The following MED27 variants were observed in gnomAD, a reference collection of about 807,000 sequenced individuals.
MED27 encodes mediator of RNA polymerase II transcription subunit 27.
Under a neutral mutation model 38.2 loss-of-function variants are expected in MED27, and 30 were observed. That is an observed-to-expected ratio of 0.79 (90% CI 0.59 to 1.07). The LOEUF (loss-of-function observed/expected upper bound fraction) is 1.07, where lower values mean the gene tolerates loss of function less well. MED27 is among the 50% of genes least tolerant of loss of function. The pLI, the probability that MED27 is intolerant of heterozygous loss-of-function variation, is 0.00. For missense variants in MED27, 289 were observed against 397.5 expected, an observed-to-expected ratio of 0.73 and a Z score of 2.32; for synonymous variants, 122 against 153.5, an observed-to-expected ratio of 0.79 and a Z score of 1.52.
intron 2 of MED27, among the ~76,000 whole-genome samples, chr9:132,035,488 G>A (rs748717591): frequency 6.6e-6 from 1 of 152,166 alleles, no homozygotes; most frequent in Non-Finnish European, 1.5e-5. Flanking sequence ...AAAACGCACA[G>A]GGAAGCAGAT....
At chr9:132,014,253 C>G (rs1832553896) in intron 3 of MED27, 84 bp downstream of exon 3, 1 of 1,407,818 alleles carries the variant, frequency 7.1e-7, no homozygotes, top group African/African-American at 1.5e-5. Context: ...TTGAAGAAAA[C>G]AGTAACTTTC....
At chr9:131,923,698 C>T (rs1162348947) in intron 4 of MED27, among the ~76,000 whole-genome samples, 1 of 152,168 alleles carries the variant, frequency 6.6e-6, no homozygotes, top group African/African-American at 2.4e-5. Context: ...CCAACACACA[C>T]CTGCTTTCCT....
At chr9:132,022,145 G>A (rs920554184) in intron 2 of MED27, among the ~76,000 whole-genome samples, 4 of 152,162 alleles carry the variant, frequency 2.6e-5, no homozygotes, top group Non-Finnish European at 4.4e-5. Flanking sequence ...ATGAGAATAT[G>A]CCCTCTGAAG....
At chr9:131,996,564 T>C (rs1832095793) in intron 3 of MED27, among the ~76,000 whole-genome samples, 1 of 152,182 alleles carries the variant, frequency 6.6e-6, no homozygotes, top group Non-Finnish European at 1.5e-5. Flanking sequence ...ATGTACGTAG[T>C]AGAATTGTAG....
intron 4 of MED27, among the ~76,000 whole-genome samples, chr9:131,925,492 G>A (rs566143023): frequency 7.9e-5 from 12 of 152,166 alleles, no homozygotes; most frequent in Non-Finnish European, 1.6e-4. Flanking sequence ...ATTGAAAAAT[G>A]GATAAATAAA....
intron 3 of MED27, among the ~76,000 whole-genome samples, chr9:131,949,440 G>C (rs780093801): frequency 6.6e-6 from 1 of 152,114 alleles, no homozygotes; most frequent in Non-Finnish European, 1.5e-5. Context: ...TTTTACAAAT[G>C]ACAGAAAAAA....
chr9:131,996,096 G>A (rs980535468), intron 3 of MED27, among the ~76,000 whole-genome samples: 5 of 152,174 alleles, frequency 3.3e-5, no homozygotes, highest in Non-Finnish European at 7.4e-5. Context: ...TATAAGCTAT[G>A]GCTGCCACCT....
At chr9:131,969,076 A>G (rs930369039) in intron 3 of MED27, among the ~76,000 whole-genome samples, 4 of 152,212 alleles carry the variant, frequency 2.6e-5, no homozygotes, top group Non-Finnish European at 4.4e-5. Context: ...TGAGTTATGT[A>G]ATTATTTTAT....
At chr9:132,053,739 C>G (rs1375250520) in intron 2 of MED27, among the ~76,000 whole-genome samples, 1 of 152,142 alleles carries the variant, frequency 6.6e-6, no homozygotes, top group Non-Finnish European at 1.5e-5. Flanking sequence ...CTACTTTTCT[C>G]CAAGTTTTCA....
At chr9:131,905,627 G>T (rs147590846) in intron 4 of MED27, among the ~76,000 whole-genome samples, 13 of 142,356 alleles carry the variant, frequency 9.1e-5, no homozygotes, top group Non-Finnish European at 1.2e-4. Flanking sequence ...GAGCCTGGGA[G>T]GTTGAGGCTA....
intron 6 of MED27, among the ~76,000 whole-genome samples, chr9:131,865,824 AACTTC>A (rs1838727893): frequency 6.6e-6 from 1 of 152,210 alleles, no homozygotes; most frequent in South Asian, 2.1e-4. Flanking sequence ...AAATTTAGGA[AACTTC>A]ACTTAACTGT....
At chr9:132,073,478 CT>C in intron 2 of MED27, 2 of 1,182,652 alleles carry the variant, frequency 1.7e-6, no homozygotes, top group Non-Finnish European at 2.1e-6. Context: ...TGCCTCTCCC[CT>C]GAGCCTTATA....
At chr9:131,931,623 A>G (rs1830589708) in intron 4 of MED27, among the ~76,000 whole-genome samples, 1 of 152,210 alleles carries the variant, frequency 6.6e-6, no homozygotes. Flanking sequence ...AACAGCCTTC[A>G]CCTACAAAGA....
chr9:132,046,908 G>A (rs1032706483), intron 2 of MED27, among the ~76,000 whole-genome samples: 3 of 151,980 alleles, frequency 2.0e-5, no homozygotes, highest in African/African-American at 7.2e-5. Flanking sequence ...TTTTGGCTAA[G>A]GAATCAAAAA....
chr9:131,878,274 AAAATAAATAAAT>A (rs139530478), intron 6 of MED27, among the ~76,000 whole-genome samples: 112 of 147,918 alleles, frequency 7.6e-4, no homozygotes, highest in Admixed American at 1.1e-3. Flanking sequence ...CTCCATTACA[AAAATAAATAAAT>A]AAATAAATAA....
At chr9:131,904,703 CTGGGGTCATT>C (rs1357394500) in intron 4 of MED27, among the ~76,000 whole-genome samples, 9 of 152,094 alleles carry the variant, frequency 5.9e-5, no homozygotes, top group Admixed American at 5.9e-4. Flanking sequence ...CACGAGTGAA[CTGGGGTCATT>C]TGCTAAAGAG....
At chr9:132,027,071 C>T (rs974003045) in intron 2 of MED27, among the ~76,000 whole-genome samples, 1 of 152,178 alleles carries the variant, frequency 6.6e-6, no homozygotes, top group Non-Finnish European at 1.5e-5. Context: ...TAAATGAATA[C>T]ATTAGCTGGC....
In MED27 at chr9:131,993,740, T is replaced by C. The variant is rs914733860; in HGVS notation, c.479+20597A>G. Among the ~76,000 whole-genome samples, 8 of 152,294 alleles carry C rather than the reference T, an allele frequency of 5.3e-5. No individual in the cohort carries two copies. The South Asian group carries it at 8.3e-4, about 16-fold the overall frequency. On this transcript the variant is annotated intron_variant, in intron 3 of 7. Coordinates refer to ENST00000292035, the MANE Select transcript of MED27 (RefSeq NM_004269.4). ...GTTCAACACATTTCATTAACATCGA[T>C]GACAGGAAAAAAAATCCATTCCCAG...
rs138666705 is a variant in MED27 at position 132,074,810 on chromosome 9, G to A, written c.348+2632C>T. ...TAAATCCCTTCTAGAAAAAGGTAAG[G>A]TATAAATAAGTAATAGTCACATAGG... On this transcript the variant is annotated intron_variant, in intron 2 of 7. Transcript: ENST00000292035. Among the ~76,000 whole-genome samples the A allele has an allele frequency of 5.2e-3, 796 of 152,268 alleles. 14 individuals carry two copies. Among genetic ancestry groups the A allele is most frequent in the African/African-American group, 0.018 (736 of 41,556 alleles).
Sources: gnomAD v4.1 joint callset for allele counts (sites outside exome capture counted in the v4.1 genomes callset) on GRCh38, gnomAD v4.1.1 for gene constraint, MANE v1.5 for transcripts, NCBI Gene and HGNC (gene_info 2026-07-23, HGNC 2026-07-21) for gene names.